The following GDPGP1 variants were observed in gnomAD, a reference collection of about 807,000 sequenced individuals.
The protein encoded by GDPGP1 is GDP-D-glucose phosphorylase 1, also known as GDP-D-glucose phosphorylase C15orf58.
Under a neutral mutation model 19.2 loss-of-function variants are expected in GDPGP1, and 18 were observed. That is an observed-to-expected ratio of 0.94 (90% CI 0.65 to 1.39). The LOEUF is 1.39. GDPGP1 is among the 40% of genes most tolerant of loss of function. The probability of loss-of-function intolerance (pLI) is 0.00; values close to 1 mark genes in which losing one functional copy is unlikely to be tolerated. For missense variants in GDPGP1, 449 were observed against 490.5 expected (o/e 0.92, Z 0.80); for synonymous variants, 219 against 208.9 (o/e 1.05, Z -0.42).
In GDPGP1 at chr15:90,244,915, C is replaced by T. The variant is rs1596181640; in HGVS notation, c.*2849C>T. The T allele has an allele frequency of 6.6e-6, 1 of 152,204 alleles. No individual in the cohort carries two copies. The highest frequency in any genetic ancestry group is 2.4e-5 in the African/African-American group (1 of 41,448). 9.4% of individuals were successfully genotyped at this position (152,204 alleles called of 1,614,324 possible). The stretch of plus-strand genomic sequence containing the variant: ...AAACATCCTGAAGGAATGAGAGTCC[C>T]TGTTCACAGCGTAAGGGTGAAAGGG... On this transcript the variant is annotated 3_prime_UTR_variant, in exon 4 of 4. Transcript: ENST00000329600.
In GDPGP1 at chr15:90,241,249, G is replaced by C; in HGVS notation, c.341G>C (p.Ser114Thr). The change falls in exon 4 of 4, where the codon AGT (serine) becomes ACT (threonine). Residue 114 changes from serine to threonine, a missense_variant. Coordinates refer to ENST00000329600, the MANE Select transcript of GDPGP1 (RefSeq NM_001013657.3). ...AGGAGGCCCCCGCAGACCATCAAGA[G>C]TGTGAGGCAGGCATTTGACCCTGTA... is the stretch of plus-strand genomic sequence containing the variant. ...VQRRPPQTIK[S>T]VRQAFDPVQF... 1 of 1,614,192 alleles carries C rather than the reference G, an allele frequency of 6.2e-7. No homozygotes were observed.
chr15:90,245,479 A>AAAAG lies in GDPGP1; in HGVS notation c.*3416_*3417insGAAA, dbSNP rs2151642150. ...CAGAGAGAGACTTTGTCTCAAAAAAAAAAAAAAAGAAAAAAACAGTTTACC... is the reference window on the plus strand; with the variant it reads ...CAGAGAGAGACTTTGTCTCAAAAAAAAAAGAAAAAAAAGAAAAAAACAGTTTACC... On this transcript the variant is annotated 3_prime_UTR_variant, in exon 4 of 4. Transcript: ENST00000329600. 1.3e-5 allele frequency: 2 copies of AAAAG among 151,936 alleles called. No individual in the cohort carries two copies. The highest frequency in any genetic ancestry group is 3.9e-4 in the East Asian group (2 of 5,166). The allele number at this position is 151,936 out of a possible 1,614,324, so 9.4% of individuals were successfully genotyped here.
rs1962844984 is a variant in GDPGP1 at position 90,245,495 on chromosome 15, A to G, written c.*3429A>G. The G allele has an allele frequency of 6.6e-6, 1 of 151,998 alleles. No individual in the cohort carries two copies. Among genetic ancestry groups the G allele is most frequent in the African/African-American group, 2.4e-5 (1 of 41,378 alleles). The allele number at this position is 151,998 out of a possible 1,614,324, so 9.4% of individuals were successfully genotyped here. A position where few individuals can be genotyped will look rare whatever the true frequency, so the allele number is the denominator to read the frequency against. ...CTCAAAAAAAAAAAAAAAGAAAAAA[A>G]CAGTTTACCATTCTATCAGAAAATG... On this transcript the variant is annotated 3_prime_UTR_variant, in exon 4 of 4. Coordinates refer to ENST00000329600, the MANE Select transcript of GDPGP1 (RefSeq NM_001013657.3).
Position 90,241,340 on chromosome 15 carries a change from C to T in GDPGP1, c.432C>T (p.Leu144=). The change falls in exon 4 of 4, where the codon CTC becomes CTT. Residue 144 remains leucine (L), a synonymous_variant. Transcript: ENST00000329600. ...TCCGTTTGCACCGGGAGCCTGATCT[C>T]CCTGGGACTCTGCTGCAAGAAGACA... ...VLFRLHREPD[L]PGTLLQEDIL... The T allele has an allele frequency of 1.2e-6, 2 of 1,614,230 alleles. No homozygotes were observed. Among genetic ancestry groups the T allele is most frequent in the Middle Eastern group, 3.3e-4 (2 of 6,062 alleles).
At position 90,245,041 on chromosome 15, in the gene GDPGP1, GCCTTCAGGTCGTTGGCTCCCTAT is replaced by G. The variant is rs1962835793; in HGVS notation, c.*2976_*2998del. 6.6e-6 allele frequency: 1 copy of G among 152,204 alleles called. No individual in the cohort carries two copies. Among genetic ancestry groups the G allele is most frequent in the Non-Finnish European group, 1.5e-5 (1 of 68,062 alleles). 9.4% of individuals were successfully genotyped at this position (152,204 alleles called of 1,614,324 possible). ...ACTGTGGGTCCTAGCCCTGGCTTAG[GCCTTCAGGTCGTTGGCTCCCTAT>G]ACCTAGGCCTGTATAAAGCCTTAGT... On this transcript the variant is annotated 3_prime_UTR_variant, in exon 4 of 4. Coordinates refer to ENST00000329600, the MANE Select transcript of GDPGP1 (RefSeq NM_001013657.3).
Position 90,237,735 on chromosome 15 carries a change from TTTA to T in GDPGP1, c.-66-752_-66-750del. On this transcript the variant is annotated intron_variant, in intron 2 of 3. Transcript: ENST00000329600. ...CTCCTTTTTTTGGTTTTGTATTATT[TTTA>T]TTATCTCATTTTAAATTTTTTCGCC... Among the ~76,000 whole-genome samples, 7 of 152,294 alleles carry T rather than the reference TTTA, an allele frequency of 4.6e-5. 1 individual carries two copies. Among genetic ancestry groups the T allele is most frequent in the Admixed American group, 4.6e-4 (7 of 15,284 alleles).
At chr15:90,240,464 C>T (rs928404471) in intron 3 of GDPGP1, among the ~76,000 whole-genome samples, 6 of 151,660 alleles carry the variant, frequency 4.0e-5, no homozygotes, top group Admixed American at 1.3e-4. Context: ...GCCAAGATCG[C>T]GCCACTGCCC....
At chr15:90,238,645 G>A (rs1461223174) in intron 3 of GDPGP1, 97 bp downstream of exon 3, 1 of 152,034 alleles carries the variant, frequency 6.6e-6, no homozygotes, top group African/African-American at 2.4e-5. Flanking sequence ...GGAAGATGAA[G>A]ACAGGCACTA....
chr15:90,239,521 G>T (rs1428898872), intron 3 of GDPGP1, among the ~76,000 whole-genome samples: 1 of 152,132 alleles, frequency 6.6e-6, no homozygotes, highest in Non-Finnish European at 1.5e-5. Flanking sequence ...GATGTGCAGA[G>T]CAAAGAGGGA....
In GDPGP1 at chr15:90,241,629, G is replaced by C; in HGVS notation, c.721G>C (p.Gly241Arg). ...EQAPSEPLDP[G>R]GHLHLLQDLP... ...GGCGCCAAGCGAGCCCCTGGACCCTGGAGGCCATTTGCATCTGCTCCAGGA... is the reference window on the plus strand; with the variant it reads ...GGCGCCAAGCGAGCCCCTGGACCCTCGAGGCCATTTGCATCTGCTCCAGGA... Residue 241 changes from glycine (G) to arginine (R), a missense_variant, in exon 4 of 4, where the codon GGA (glycine) becomes CGA (arginine). Coordinates refer to ENST00000329600, the MANE Select transcript of GDPGP1 (RefSeq NM_001013657.3). 1 of 1,614,156 alleles carries C rather than the reference G, an allele frequency of 6.2e-7. No homozygotes were observed. The highest frequency in any genetic ancestry group is 1.1e-5 in the South Asian group (1 of 91,086).
rs536275149 is a variant in GDPGP1, at chr15:90,241,313, C to A, written c.405C>A (p.Leu135=). 1 of 1,614,236 alleles carries A rather than the reference C, an allele frequency of 6.2e-7. No homozygotes were observed. The change falls in exon 4 of 4, where the codon CTC becomes CTA. Residue 135 remains leucine, a synonymous_variant. Coordinates refer to ENST00000329600, the MANE Select transcript of GDPGP1 (RefSeq NM_001013657.3). The part of the protein sequence containing the change: ...NFNKIRPGEV[L]FRLHREPDLP... ...ACAAGATCCGGCCCGGAGAAGTCCT[C>A]TTCCGTTTGCACCGGGAGCCTGATC...
chr15:90,238,953 CA>C (rs1401894395), intron 3 of GDPGP1, among the ~76,000 whole-genome samples: 1 of 151,564 alleles, frequency 6.6e-6, no homozygotes, highest in Non-Finnish European at 1.5e-5. Flanking sequence ...AAAATAAAAC[CA>C]AAACCTGAGC....
At position 90,242,232 on chromosome 15, in the gene GDPGP1, C is replaced by G. The variant is rs1962779383; in HGVS notation, c.*166C>G. 5 of 370,836 alleles carry G rather than the reference C, an allele frequency of 1.3e-5. No individual in the cohort carries two copies. Among genetic ancestry groups the G allele is most frequent in the South Asian group, 1.3e-4 (3 of 23,782 alleles). The allele number at this position is 370,836 out of a possible 1,614,324, so 23.0% of individuals were successfully genotyped here. On this transcript the variant is annotated 3_prime_UTR_variant, in exon 4 of 4. Transcript: ENST00000329600. ...CCTCTTGAGTAGCTGAGACTATAGG[C>G]GTGCACCACCACACACCTGGCTTTT...
rs537420206 is a variant in GDPGP1 at position 90,241,507 on chromosome 15, G to A, written c.599G>A (p.Gly200Asp). Residue 200 changes from glycine (G) to aspartate (D), a missense_variant, in exon 4 of 4, where the codon GGC (glycine) becomes GAC (aspartate). By Grantham distance (94) the Gly-to-Asp change is moderately conservative. Transcript: ENST00000329600. ...IEAVLLSLHP[G>D]FRVGFNSLGG... ...GCTGTGCTGCTGAGCTTACACCCGGGCTTCCGTGTCGGCTTCAACAGCCTG... is the reference window on the plus strand; with the variant it reads ...GCTGTGCTGCTGAGCTTACACCCGGACTTCCGTGTCGGCTTCAACAGCCTG... The A allele has an allele frequency of 9.9e-6, 16 of 1,613,692 alleles. No individual in the cohort carries two copies. Among genetic ancestry groups the A allele is most frequent in the African/African-American group, 4.0e-5 (3 of 75,054 alleles).
At chr15:90,237,907 A>G (rs1186103879) in intron 2 of GDPGP1, among the ~76,000 whole-genome samples, 1 of 152,106 alleles carries the variant, frequency 6.6e-6, no homozygotes, top group African/African-American at 2.4e-5. Context: ...AGGTGAGAAT[A>G]AGATACTACA....
Position 90,240,901 on chromosome 15 carries a change from T to C in GDPGP1, c.-8T>C. On this transcript the variant is annotated splice_region_variant and 5_prime_UTR_variant, in exon 4 of 4. Transcript: ENST00000329600. ...TTTCATCTTTTATGACTATTTCAGG[T>C]CAGCTCTATGGCTCTTCCACATGAT... 5 of 1,602,302 alleles carry C rather than the reference T, an allele frequency of 3.1e-6. No homozygotes were observed. The highest frequency in any genetic ancestry group is 4.3e-6 in the Non-Finnish European group (5 of 1,170,448).
chr15:90,241,565 G>T lies in GDPGP1; in HGVS notation c.657G>T (p.Leu219=). 1 of 1,613,204 alleles carries T rather than the reference G, an allele frequency of 6.2e-7. No individual in the cohort carries two copies. Residue 219 remains leucine, a synonymous_variant, in exon 4 of 4, where the codon CTG becomes CTT. Transcript: ENST00000329600. ...GGLASVNHLH[L]HGYYLAHRLP... Reference sequence around the variant, plus strand: ...TGGCCTCGGTGAACCACCTCCACCTGCATGGCTATTACCTGGCCCACAGAC... The same window carrying T: ...TGGCCTCGGTGAACCACCTCCACCTTCATGGCTATTACCTGGCCCACAGAC...
intron 3 of GDPGP1, among the ~76,000 whole-genome samples, chr15:90,239,012 G>T (rs2151639318): frequency 6.6e-6 from 1 of 152,210 alleles, no homozygotes; most frequent in South Asian, 2.1e-4. Context: ...TATTTTAAAG[G>T]AAAATAAAAA....
rs200606347 is a variant in GDPGP1 at position 90,241,302 on chromosome 15, G to T, written c.394G>T (p.Gly132Ter). The T allele has an allele frequency of 1.2e-5, 19 of 1,614,082 alleles. No homozygotes were observed. Among genetic ancestry groups the T allele is most frequent in the Non-Finnish European group, 1.5e-5 (18 of 1,180,050 alleles). Residue 132 changes from glycine (G) to a stop codon, truncating the protein, a stop_gained, in exon 4 of 4, where the codon GGA becomes TGA. Transcript: ENST00000329600. LOFTEE classifies it high-confidence loss of function. ...VQFNFNKIRP[G>*]EVLFRLHREP... ...GTTCAACTTCAACAAGATCCGGCCCGGAGAAGTCCTCTTCCGTTTGCACCG... is the reference window on the plus strand; with the variant it reads ...GTTCAACTTCAACAAGATCCGGCCCTGAGAAGTCCTCTTCCGTTTGCACCG...
Sources: allele counts gnomAD v4.1 joint callset (sites outside exome capture counted in the v4.1 genomes callset), GRCh38; gene constraint gnomAD v4.1.1; transcripts MANE v1.5; gene names NCBI Gene and HGNC (gene_info 2026-07-23, HGNC 2026-07-21).